SHC4: variants seen among roughly 807,000 people sequenced by gnomAD.
The protein encoded by SHC4 is SHC adaptor protein 4, also known as SHC-transforming protein 4.
Under a neutral mutation model 69.4 loss-of-function variants are expected in SHC4, and 41 were observed. That is an observed-to-expected ratio of 0.59 (90% CI 0.46 to 0.77). SHC4 has a LOEUF of 0.77. SHC4 is among the 30% of genes least tolerant of loss of function. SHC4 has a pLI of 0.00. For synonymous variants in SHC4, 318 were observed against 299.3 expected (o/e 1.06, Z -0.64); for missense variants, 777 against 783.8 (o/e 0.99, Z 0.10).
chr15:48,945,512 G>A (rs11070667), intron 1 of SHC4, among the ~76,000 whole-genome samples: 59,241 of 151,990 alleles, frequency 0.39, 11,861 homozygotes, highest in Middle Eastern at 0.55. Context: ...TGGTATTGCC[G>A]TACAATGGAC....
Position 48,825,959 on chromosome 15 carries a change from G to C in SHC4, c.*12C>G. 6.2e-7 allele frequency: 1 copy of C among 1,611,118 alleles called. No individual in the cohort carries two copies. Among genetic ancestry groups the C allele is most frequent in the Non-Finnish European group, 8.5e-7 (1 of 1,178,948 alleles). On this transcript the variant is annotated 3_prime_UTR_variant, in exon 12 of 12. Transcript: ENST00000332408. ...TTTCTTGAAATATCAGTGTGATGGTGCTTCAATACTGTCATTTGTTGGAAT... is the reference window on the plus strand; with the variant it reads ...TTTCTTGAAATATCAGTGTGATGGTCCTTCAATACTGTCATTTGTTGGAAT...
chr15:48,859,425 C>A (rs1002339869), intron 6 of SHC4, among the ~76,000 whole-genome samples: 25 of 151,634 alleles, frequency 1.6e-4, no homozygotes, highest in African/African-American at 5.8e-4. Context: ...CTTTAAAGTA[C>A]AAATTGGATC....
At chr15:48,847,256 C>T (rs1195792771) in intron 9 of SHC4, among the ~76,000 whole-genome samples, 1 of 152,102 alleles carries the variant, frequency 6.6e-6, no homozygotes, top group Non-Finnish European at 1.5e-5. Context: ...TAAATATATA[C>T]ACAGTATATA....
intron 2 of SHC4, among the ~76,000 whole-genome samples, chr15:48,919,468 T>A (rs1397077736): frequency 6.6e-6 from 1 of 151,502 alleles, no homozygotes; most frequent in Non-Finnish European, 1.5e-5. Flanking sequence ...GCTTTATTTT[T>A]GGTAGAGATG....
chr15:48,868,737 A>G (rs1291892615), intron 5 of SHC4, among the ~76,000 whole-genome samples: 1 of 152,262 alleles, frequency 6.6e-6, no homozygotes, highest in East Asian at 1.9e-4. Context: ...ATCACTTAAT[A>G]ACCCACAATG....
intron 4 of SHC4, among the ~76,000 whole-genome samples, chr15:48,873,997 T>A (rs148339601): frequency 6.6e-6 from 1 of 152,164 alleles, no homozygotes; most frequent in Non-Finnish European, 1.5e-5. Context: ...AAAATGCTTC[T>A]AAAATTCATA....
rs1028234486 is a variant in SHC4 at position 48,826,028 on chromosome 15, G to T, written c.1836C>A (p.Ser612Arg). Residue 612 changes from serine (S) to arginine (R), a missense_variant, in exon 12 of 12, where the codon AGC becomes AGA. By Grantham distance (110) the Ser-to-Arg change is moderately radical. Transcript: ENST00000332408. ...TATCTTTTCTCACTGGTTGTTTAAGGCTTACTTCGCTTCCAGAGGAGATGA... is the reference window on the plus strand; with the variant it reads ...TATCTTTTCTCACTGGTTGTTTAAGTCTTACTTCGCTTCCAGAGGAGATGA... The part of the protein sequence containing the change: ...LPIISSGSEV[S>R]LKQPVRKDNN... 4.3e-6 allele frequency: 7 copies of T among 1,613,802 alleles called. No individual in the cohort carries two copies. Among genetic ancestry groups the T allele is most frequent in the Admixed American group, 1.7e-5 (1 of 59,994 alleles).
chr15:48,834,781 A>T lies in SHC4; in HGVS notation c.1725T>A (p.Asp575Glu), dbSNP rs761688912. 5.6e-6 allele frequency: 9 copies of T among 1,613,998 alleles called. No homozygotes were observed. Among genetic ancestry groups the T allele is most frequent in the Non-Finnish European group, 5.9e-6 (7 of 1,179,996 alleles). ...GGQAKHLLLVDPEGKVRTKDH... is the reference protein window; with the variant it reads ...GGQAKHLLLVEPEGKVRTKDH... ...AAGTCAATGATACCTTGCCTTCAGG[A>T]TCCACCAGGAGAAGATGTTTTGCTT... The change falls in exon 11 of 12, where the codon GAT (aspartate) becomes GAA (glutamate). Residue 575 changes from aspartate to glutamate, a missense_variant. By Grantham distance (45) the Asp-to-Glu change is conservative. Coordinates refer to ENST00000332408, the MANE Select transcript of SHC4 (RefSeq NM_203349.4).
rs185967368 is a variant in SHC4 at position 48,847,144 on chromosome 15, G to A, written c.1304-3556C>T. On this transcript the variant is annotated intron_variant, in intron 9 of 11. Transcript: ENST00000332408. ...TTCTAGGCTGAAGTGTTTGGTTGAC[G>A]AGGGCTTAGACACAGATGCCAGCTA... 4.6e-5 allele frequency among the ~76,000 whole-genome samples: 7 copies of A among 151,816 alleles called. No homozygotes were observed. In the East Asian group the frequency reaches 5.8e-4, roughly 13 times the overall value.
intron 1 of SHC4, among the ~76,000 whole-genome samples, chr15:48,961,196 T>C (rs1459967448): frequency 6.6e-6 from 1 of 152,210 alleles, no homozygotes; most frequent in African/African-American, 2.4e-5. Context: ...CTTCAATCCA[T>C]GTCAAATAAA....
intron 10 of SHC4, among the ~76,000 whole-genome samples, chr15:48,842,276 G>A (rs1220683710): frequency 1.3e-5 from 2 of 152,104 alleles, no homozygotes; most frequent in African/African-American, 4.8e-5. Flanking sequence ...CTTTATAGAT[G>A]ACTTATTAAG....
Position 48,834,630 on chromosome 15 carries a change from G to GTCCT in SHC4, c.1737+135_1737+138dup, listed in dbSNP as rs1898866054. 2.4e-6 allele frequency: 3 copies of GTCCT among 1,265,234 alleles called. No homozygotes were observed. The Admixed American group carries it at 6.4e-5, about 27-fold the overall frequency. The allele number at this position is 1,265,234 out of a possible 1,614,324, so 78.4% of individuals were successfully genotyped here. A position where few individuals can be genotyped will look rare whatever the true frequency, so the allele number is the denominator to read the frequency against. Reference sequence around the variant, plus strand: ...CCCTCCACTACCCTCTAGTTAGCATGTCCTGCTCCAGCTGGAAGGTTCCAG... The same window carrying GTCCT: ...CCCTCCACTACCCTCTAGTTAGCATGTCCTTCCTGCTCCAGCTGGAAGGTTCCAG... On this transcript the variant is annotated intron_variant, in intron 11 of 11. Transcript: ENST00000332408.
At chr15:48,898,855 G>T (rs1390483567) in intron 2 of SHC4, among the ~76,000 whole-genome samples, 1 of 152,124 alleles carries the variant, frequency 6.6e-6, no homozygotes, top group East Asian at 1.9e-4. Flanking sequence ...ATAAGAAATA[G>T]AGTTGGTTTC....
intron 10 of SHC4, among the ~76,000 whole-genome samples, chr15:48,841,324 T>C (rs1898984764): frequency 6.6e-6 from 1 of 152,206 alleles, no homozygotes; most frequent in Non-Finnish European, 1.5e-5. Flanking sequence ...ACACAGGACA[T>C]TTCCCATTGC....
intron 1 of SHC4, among the ~76,000 whole-genome samples, chr15:48,950,954 C>T (rs1198654738): frequency 6.6e-6 from 1 of 152,040 alleles, no homozygotes; most frequent in Non-Finnish European, 1.5e-5. Context: ...CCTCTCTCTC[C>T]TGGAAACTCT....
intron 6 of SHC4, 54 bp from the exon 7 acceptor site, chr15:48,857,869 A>T (rs138231901): frequency 1.2e-5 from 17 of 1,391,176 alleles, no homozygotes; most frequent in Non-Finnish European, 1.6e-5. Flanking sequence ...GAAAGAGAAG[A>T]TTACATAAAA....
At chr15:48,878,648 C>A (rs1452571705) in intron 4 of SHC4, 6 of 1,613,948 alleles carry the variant, frequency 3.7e-6, no homozygotes, top group East Asian at 4.5e-5. Context: ...CCCGTTTGAT[C>A]AGTTAGCTTT....
chr15:48,902,002 G>A (rs1308519668), intron 2 of SHC4, among the ~76,000 whole-genome samples: 6 of 152,084 alleles, frequency 3.9e-5, no homozygotes, highest in Non-Finnish European at 8.8e-5. Flanking sequence ...AGGAGTTTGA[G>A]AGCAGACTGT....
rs2289182 is a variant in SHC4 at position 48,834,659 on chromosome 15, A to C, written c.1737+110T>G. 0.014 allele frequency: 20,445 copies of C among 1,482,582 alleles called. 1,243 individuals carry two copies. The African/African-American group carries it at 0.17, about 12-fold the overall frequency. 91.8% of individuals were successfully genotyped at this position (1,482,582 alleles called of 1,614,324 possible). ...TGCTCCAGCTGGAAGGTTCCAGAAA[A>C]AGCAAATACTTAGCCTTGAGCACTA... On this transcript the variant is annotated intron_variant, in intron 11 of 11. Transcript: ENST00000332408.
Sources: allele counts gnomAD v4.1 joint callset (sites outside exome capture counted in the v4.1 genomes callset), GRCh38; gene constraint gnomAD v4.1.1; transcripts MANE v1.5; gene names NCBI Gene and HGNC (gene_info 2026-07-23, HGNC 2026-07-21).